The following USP31 variants were observed in gnomAD, a reference collection of about 807,000 sequenced individuals.
USP31 encodes the protein ubiquitin specific peptidase 31.
In USP31, 44 loss-of-function variants were observed where a neutral mutation model predicts 119.4. The ratio of observed to expected loss-of-function variants is 0.37; its 90% confidence interval spans 0.29 to 0.47. USP31 has a LOEUF of 0.47. USP31 is among the 20% of genes least tolerant of loss of function. USP31 has a pLI of 0.99. For missense variants in USP31, 1,643 were observed against 1,730.2 expected (o/e 0.95, Z 0.89); for synonymous variants, 749 against 705.6 (o/e 1.06, Z -0.97).
At position 23,079,943 on chromosome 16, in the gene USP31, G is replaced by T. The variant is rs546701020; in HGVS notation, c.2176+3C>A. 6.2e-7 allele frequency: 1 copy of T among 1,605,682 alleles called. No homozygotes were observed. The highest frequency in any genetic ancestry group is 1.7e-5 in the Admixed American group (1 of 58,960). On this transcript the variant is annotated splice_donor_region_variant and intron_variant, in intron 13 of 15. Coordinates refer to ENST00000219689, the MANE Select transcript of USP31 (RefSeq NM_020718.4). ...CAGACACGCAGCCTCTCACACTGCA[G>T]ACCTGTGTAGTGCCCCCCTTGCATG...
Position 23,149,021 on chromosome 16 carries a change from C to T in USP31, c.250G>A (p.Ala84Thr). 7.7e-6 allele frequency: 9 copies of T among 1,163,150 alleles called. No individual in the cohort carries two copies. Among genetic ancestry groups the T allele is most frequent in the Admixed American group, 3.7e-5 (1 of 27,360 alleles). The allele number at this position is 1,163,150 out of a possible 1,614,324, so 72.1% of individuals were successfully genotyped here. Reference sequence around the variant, plus strand: ...CTGCGGAGGCCGCCGCGGTCTGGGGCGGCGCCCTCAGAGCTAAGGTGCGAG... The same window carrying T: ...CTGCGGAGGCCGCCGCGGTCTGGGGTGGCGCCCTCAGAGCTAAGGTGCGAG... ...TLSHLSSEGAAPDRGGLRSCF... is the reference protein window; with the variant it reads ...TLSHLSSEGATPDRGGLRSCF... Residue 84 changes from alanine to threonine, a missense_variant, in exon 1 of 16, where the codon GCC becomes ACC. This residue lies in a region of USP31 where 302 missense variants were observed against 262.6 expected (regional missense o/e 1.15). Coordinates refer to ENST00000219689, the MANE Select transcript of USP31 (RefSeq NM_020718.4).
intron 2 of USP31, 106 bp downstream of exon 2, chr16:23,107,940 A>G (rs1254249134): frequency 1.5e-6 from 2 of 1,362,746 alleles, no homozygotes; most frequent in African/African-American, 3.0e-5. Context: ...ACTCACCCAG[A>G]GCTTAGTCAA....
At chr16:23,090,826 T>C (rs1212421852) in intron 6 of USP31, 22 bp from the exon 7 acceptor site, 1 of 1,477,768 alleles carries the variant, frequency 6.8e-7, no homozygotes, top group Admixed American at 1.9e-5. Flanking sequence ...TAAAAACAAC[T>C]CATTTTATCT....
At chr16:23,124,416 C>T (rs528762473) in intron 1 of USP31, among the ~76,000 whole-genome samples, 2 of 152,176 alleles carry the variant, frequency 1.3e-5, no homozygotes, top group African/African-American at 4.8e-5. Flanking sequence ...TTCCCCAAAA[C>T]GCCAGGCACA....
intron 1 of USP31, among the ~76,000 whole-genome samples, chr16:23,135,581 A>C (rs1392021120): frequency 6.6e-6 from 1 of 152,232 alleles, no homozygotes; most frequent in Admixed American, 6.5e-5. Flanking sequence ...AATTCCATTT[A>C]CAATAGCATC....
intron 6 of USP31, among the ~76,000 whole-genome samples, chr16:23,092,167 T>C (rs1460014007): frequency 6.6e-6 from 1 of 152,212 alleles, no homozygotes; most frequent in Non-Finnish European, 1.5e-5. Flanking sequence ...AGCCTCATTA[T>C]ATATTGAATA....
At chr16:23,116,515 G>C (rs1426422664) in intron 1 of USP31, among the ~76,000 whole-genome samples, 5 of 152,170 alleles carry the variant, frequency 3.3e-5, no homozygotes, top group African/African-American at 4.8e-5. Context: ...GTAATATAGT[G>C]TCCATGCAAT....
intron 1 of USP31, among the ~76,000 whole-genome samples, chr16:23,141,675 C>T (rs1233095017): frequency 6.6e-6 from 1 of 152,156 alleles, no homozygotes; most frequent in Non-Finnish European, 1.5e-5. Flanking sequence ...CCATGTCTGG[C>T]CTACTGTAAT....
chr16:23,067,969 A>G lies in USP31; in HGVS notation c.*77T>C, dbSNP rs1276959045. ...TCAAAAAAGTACAAAACAAAAGCAC[A>G]GGAGGCTTTGGTGGGAGGGCAGGGG... On this transcript the variant is annotated 3_prime_UTR_variant, in exon 16 of 16. Coordinates refer to ENST00000219689, the MANE Select transcript of USP31 (RefSeq NM_020718.4). 4 of 1,514,276 alleles carry G rather than the reference A, an allele frequency of 2.6e-6. No individual in the cohort carries two copies. Among genetic ancestry groups the G allele is most frequent in the Non-Finnish European group, 3.5e-6 (4 of 1,135,166 alleles). 93.8% of individuals were successfully genotyped at this position (1,514,276 alleles called of 1,614,324 possible).
intron 9 of USP31, among the ~76,000 whole-genome samples, chr16:23,086,495 G>C (rs1209418991): frequency 6.6e-6 from 1 of 152,100 alleles, no homozygotes; most frequent in Non-Finnish European, 1.5e-5. Flanking sequence ...CTAATTCTAT[G>C]GGGCAGGTTG....
In USP31 at chr16:23,085,660, G is replaced by A. The variant is rs1901077448; in HGVS notation, c.1625C>T (p.Ala542Val). The change falls in exon 10 of 16, where the codon GCA becomes GTA. Residue 542 changes from alanine to valine, a missense_variant and splice_region_variant. By Grantham distance (64) the Ala-to-Val change is moderately conservative. Coordinates refer to ENST00000219689, the MANE Select transcript of USP31 (RefSeq NM_020718.4). ...QPLCHPIVER[A>V]LKSCGPGGTA... Reference sequence around the variant, plus strand: ...GCCACCTGGTCCACAAGATTTTAATGCCCTATAGAACCAGGGAAGTGGAGA... The same window carrying A: ...GCCACCTGGTCCACAAGATTTTAATACCCTATAGAACCAGGGAAGTGGAGA... The A allele has an allele frequency of 1.2e-6, 2 of 1,613,164 alleles. No homozygotes were observed. The highest frequency in any genetic ancestry group is 1.7e-6 in the Non-Finnish European group (2 of 1,179,386).
chr16:23,119,237 T>C (rs1902592511), intron 1 of USP31, among the ~76,000 whole-genome samples: 1 of 151,854 alleles, frequency 6.6e-6, no homozygotes, highest in Non-Finnish European at 1.5e-5. Context: ...CAGCTGGGAT[T>C]ACAGGCGCAT....
rs1180399307 is a variant in USP31, at chr16:23,147,663, AC to A, written c.633+974del. On this transcript the variant is annotated intron_variant, in intron 1 of 15. Coordinates refer to ENST00000219689, the MANE Select transcript of USP31 (RefSeq NM_020718.4). ...ACATACCCCCAGGGATGTATAGCTC[AC>A]CCCTGTAATCCCAGCACTTTGGGAG... Among the ~76,000 whole-genome samples the A allele has an allele frequency of 2.0e-5, 3 of 152,256 alleles. No individual in the cohort carries two copies. In the East Asian group the frequency reaches 5.8e-4, roughly 29 times the overall value.
At chr16:23,133,867 G>A (rs1450559635) in intron 1 of USP31, among the ~76,000 whole-genome samples, 1 of 152,132 alleles carries the variant, frequency 6.6e-6, no homozygotes, top group Non-Finnish European at 1.5e-5. Context: ...CTTCAGCCCA[G>A]AAGTTCAAGG....
chr16:23,080,244 T>C (rs1900758408), intron 12 of USP31, 73 bp from the exon 13 acceptor site: 16 of 1,319,972 alleles, frequency 1.2e-5, no homozygotes, highest in Non-Finnish European at 1.7e-5. Flanking sequence ...TAGAGGGGAA[T>C]GTGGATCCTA....
intron 1 of USP31, among the ~76,000 whole-genome samples, chr16:23,129,896 A>G (rs1288533039): frequency 1.3e-5 from 2 of 152,202 alleles, no homozygotes; most frequent in Non-Finnish European, 2.9e-5. Flanking sequence ...CAGAAAAAGC[A>G]CTACAAGTGG....
intron 6 of USP31, among the ~76,000 whole-genome samples, chr16:23,091,591 A>G (rs962893011): frequency 2.0e-5 from 3 of 152,252 alleles, no homozygotes; most frequent in Admixed American, 2.0e-4. Flanking sequence ...CAAATGGCCT[A>G]CACAAAAGTA....
Position 23,148,739 on chromosome 16 carries a change from G to A in USP31, c.532C>T (p.Arg178Cys), listed in dbSNP as rs575136820. ...PSPDPEQPAG[R>C]GAQGQGEVTE... ...ACCTCGCCCTGGCCCTGCGCGCCGC[G>A]GCCCGCAGGCTGCTCCGGGTCAGGC... Residue 178 changes from arginine to cysteine, a missense_variant, in exon 1 of 16, where the codon CGC (arginine) becomes TGC (cysteine). Physicochemically the swap from Arg to Cys is radical, Grantham distance 180 (BLOSUM62 -3). Transcript: ENST00000219689. 11 of 1,489,800 alleles carry A rather than the reference G, an allele frequency of 7.4e-6. No homozygotes were observed. In the East Asian group the frequency reaches 2.6e-4, roughly 35 times the overall value. 92.3% of individuals were successfully genotyped at this position (1,489,800 alleles called of 1,614,324 possible). A position where few individuals can be genotyped will look rare whatever the true frequency, so the allele number is the denominator to read the frequency against.
Position 23,106,236 on chromosome 16 carries a change from C to T in USP31, c.930G>A (p.Leu310=), listed in dbSNP as rs749740817. The T allele has an allele frequency of 5.6e-6, 9 of 1,614,054 alleles. No individual in the cohort carries two copies. The highest frequency in any genetic ancestry group is 6.8e-6 in the Non-Finnish European group (8 of 1,180,014). ...NTFDPFLCIS[L]PIPLPHTRPL... is the part of the protein sequence containing the mutation. ...ACCTTGTGTGGGGCAGAGGAATTGG[C>T]AAAGAAATGCAAAGGAAAGGATCAA... The change falls in exon 4 of 16, where the codon TTG becomes TTA. Residue 310 remains leucine (L), a synonymous_variant. Coordinates refer to ENST00000219689, the MANE Select transcript of USP31 (RefSeq NM_020718.4).
Sources: allele counts gnomAD v4.1 joint callset (sites outside exome capture counted in the v4.1 genomes callset), GRCh38; gene constraint gnomAD v4.1.1; regional missense constraint gnomAD v4.1.1; transcripts MANE v1.5; gene names NCBI Gene and HGNC (gene_info 2026-07-23, HGNC 2026-07-21).